The following TUBGCP6 variants were observed in gnomAD, a reference collection of about 807,000 sequenced individuals.
TUBGCP6 encodes gamma-tubulin complex component 6.
A neutral mutation model predicts 175.8 loss-of-function variants in TUBGCP6; 161 were observed. That is an observed-to-expected ratio of 0.92 (90% CI 0.81 to 1.04). The LOEUF is 1.04. Among genes scored for constraint, TUBGCP6 ranks in the 50% least tolerant of loss-of-function variants. The pLI, the probability that TUBGCP6 is intolerant of heterozygous loss-of-function variation, is 0.00. For synonymous variants in TUBGCP6, 1,173 were observed against 1,030.5 expected (o/e 1.14, Z -2.65); for missense variants, 2,572 against 2,433.0 (o/e 1.06, Z -1.20).
At position 50,232,085 on chromosome 22, in the gene TUBGCP6, C is replaced by T. The variant is rs150958437; in HGVS notation, c.1116+1231G>A. The stretch of plus-strand genomic sequence containing the variant: ...GCATTTTAAAAATTAGCTGGGTGGG[C>T]CGGGCGTGGTGGCTCATGCCTGTAA... On this transcript the variant is annotated intron_variant, in intron 3 of 24. Coordinates refer to ENST00000248846, the MANE Select transcript of TUBGCP6 (RefSeq NM_020461.4). 6.6e-3 allele frequency among the ~76,000 whole-genome samples: 1,001 copies of T among 151,682 alleles called. 6 individuals are homozygous for T. Among genetic ancestry groups the T allele is most frequent in the Non-Finnish European group, 9.7e-3 (658 of 67,882 alleles).
chr22:50,226,267 C>T lies in TUBGCP6; in HGVS notation c.1693+20G>A, dbSNP rs983771157. 39 of 1,613,868 alleles carry T rather than the reference C, an allele frequency of 2.4e-5. No homozygotes were observed. The highest frequency in any genetic ancestry group is 3.0e-5 in the Non-Finnish European group (35 of 1,179,992). On this transcript the variant is annotated intron_variant, in intron 8 of 24. Coordinates refer to ENST00000248846, the MANE Select transcript of TUBGCP6 (RefSeq NM_020461.4). ...GGCCCACAGGCACGGACCCCTGCCC[C>T]GCAATCAGCTGCCACCTACCTCGGA...
chr22:50,218,425 G>A lies in TUBGCP6; in HGVS notation c.4955-23C>T, dbSNP rs776281152. The stretch of plus-strand genomic sequence containing the variant: ...GGGCTGGCGGAGGGCAGAAGGCAGA[G>A]GGCAGAGGTGAGCGCAGCCTCCAGC... On this transcript the variant is annotated intron_variant, in intron 22 of 24. Coordinates refer to ENST00000248846, the MANE Select transcript of TUBGCP6 (RefSeq NM_020461.4). The A allele has an allele frequency of 5.7e-5, 92 of 1,612,486 alleles. 1 individual carries two copies. In the Middle Eastern group the frequency reaches 9.9e-4, roughly 17 times the overall value.
At position 50,244,966 on chromosome 22, in the gene TUBGCP6, G is replaced by A. The variant is rs45480691; in HGVS notation, c.-507C>T. 5,294 of 226,428 alleles carry A rather than the reference G, an allele frequency of 0.023. 132 individuals carry two copies. The highest frequency in any genetic ancestry group is 0.12 in the East Asian group (937 of 7,624). The allele number at this position is 226,428 out of a possible 1,614,324, so 14.0% of individuals were successfully genotyped here. A position where few individuals can be genotyped will look rare whatever the true frequency, so the allele number is the denominator to read the frequency against. On this transcript the variant is annotated 5_prime_UTR_variant, in exon 1 of 25. Transcript: ENST00000248846. ...ACCCGTTCTCCAGGCCTCACCCGTGGAAAGTGCCCACGGCTGCCGCTCTCG... is the reference window on the plus strand; with the variant it reads ...ACCCGTTCTCCAGGCCTCACCCGTGAAAAGTGCCCACGGCTGCCGCTCTCG...
intron 7 of TUBGCP6, 136 bp downstream of exon 7, chr22:50,226,597 C>T: frequency 1.2e-6 from 1 of 837,224 alleles, no homozygotes; most frequent in Non-Finnish European, 1.9e-6. Flanking sequence ...GTTGGGGGCT[C>T]CTGCCCAGTC....
rs1602500598 is a variant in TUBGCP6, at chr22:50,217,795, G to C, written c.5401C>G (p.Pro1801Ala). 1 of 1,613,876 alleles carries C rather than the reference G, an allele frequency of 6.2e-7. No individual in the cohort carries two copies. Among genetic ancestry groups the C allele is most frequent in the Non-Finnish European group, 8.5e-7 (1 of 1,180,014 alleles). ...CGCAGCAGAAAGTCCTCCAGGTGGG[G>C]CTGGTAGCCGCGGTTCACCAGCTTG... ...VTKLVNRGYQ[P>A]HLEDFLLRIN... Residue 1801 changes from proline to alanine, a missense_variant, in exon 25 of 25, where the codon CCC becomes GCC. Pro to Ala is a conservative substitution (Grantham distance 27). Transcript: ENST00000248846.
chr22:50,221,735 C>G lies in TUBGCP6; in HGVS notation c.2624G>C (p.Gly875Ala), dbSNP rs766774651. ...CTGCTGCAGCCCCCTGCCACCAGCC[C>G]CCACTGCTAGAGGCTTAAGGGGCTG... Reference protein sequence around the residue: ...TPQPLKPLAVGAGGRGLQQAE... With the variant: ...TPQPLKPLAVAAGGRGLQQAE... Residue 875 changes from glycine to alanine, a missense_variant, in exon 16 of 25, where the codon GGG (glycine) becomes GCG (alanine). By Grantham distance (60) the Gly-to-Ala change is moderately conservative. Coordinates refer to ENST00000248846, the MANE Select transcript of TUBGCP6 (RefSeq NM_020461.4). 1 of 1,516,388 alleles carries G rather than the reference C, an allele frequency of 6.6e-7. No individual in the cohort carries two copies. The highest frequency in any genetic ancestry group is 1.3e-5 in the South Asian group (1 of 74,902). The allele number at this position is 1,516,388 out of a possible 1,614,324, so 93.9% of individuals were successfully genotyped here.
chr22:50,241,285 G>A (rs945235681), intron 1 of TUBGCP6, among the ~76,000 whole-genome samples: 2 of 152,180 alleles, frequency 1.3e-5, no homozygotes, highest in African/African-American at 2.4e-5. Flanking sequence ...GCCACTAGAG[G>A]GCTCCTTAGT....
intron 17 of TUBGCP6, 59 bp from the exon 18 acceptor site, chr22:50,219,850 T>C: frequency 2.5e-6 from 4 of 1,603,588 alleles, no homozygotes; most frequent in Non-Finnish European, 3.4e-6. Context: ...CACAACCAGC[T>C]TGTGCCAAAA....
Position 50,221,432 on chromosome 22 carries a change from C to T in TUBGCP6, c.2927G>A (p.Ser976Asn). ...APGPLQAAEC[S>N]LGSSGLQLWE... is the part of the protein sequence containing the mutation. ...CAGCTGTAGCCCTGAGCTGCCCAAG[C>T]TGCACTCTGCAGCCTGCAGGGGCCC... is the stretch of plus-strand genomic sequence containing the variant. The change falls in exon 16 of 25, where the codon AGC becomes AAC. Residue 976 changes from serine (S) to asparagine (N), a missense_variant. Coordinates refer to ENST00000248846, the MANE Select transcript of TUBGCP6 (RefSeq NM_020461.4). 1.3e-6 allele frequency: 2 copies of T among 1,599,714 alleles called. No homozygotes were observed. The highest frequency in any genetic ancestry group is 4.5e-5 in the East Asian group (2 of 44,396).
chr22:50,222,313 G>A (rs577911007), intron 14 of TUBGCP6, 141 bp downstream of exon 14: 71 of 1,352,430 alleles, frequency 5.2e-5, no homozygotes, highest in South Asian at 1.5e-4. Context: ...GGTGGCACAC[G>A]GGGAGAGAGA....
In TUBGCP6 at chr22:50,220,804, C is replaced by G. The variant is rs1429923697; in HGVS notation, c.3555G>C (p.Trp1185Cys). The part of the protein sequence containing the change: ...VSDMAPARPR[W>C]NTHGHVSDAS... ...CATCAGACACGTGTCCATGGGTGTT[C>G]CACCGTGGCCGGGCGGGAGCCATGT... Residue 1185 changes from tryptophan (W) to cysteine (C), a missense_variant, in exon 16 of 25, where the codon TGG (tryptophan) becomes TGC (cysteine). Transcript: ENST00000248846. 6.2e-7 allele frequency: 1 copy of G among 1,601,252 alleles called. No individual in the cohort carries two copies. The highest frequency in any genetic ancestry group is 8.5e-7 in the Non-Finnish European group (1 of 1,175,696).
intron 2 of TUBGCP6, among the ~76,000 whole-genome samples, chr22:50,235,458 A>C (rs2064765397): frequency 6.6e-6 from 1 of 152,248 alleles, no homozygotes; most frequent in Non-Finnish European, 1.5e-5. Flanking sequence ...CTTAAAAAGG[A>C]AGGCAGCTCA....
At position 50,233,527 on chromosome 22, in the gene TUBGCP6, C is replaced by A. The variant is rs762988506; in HGVS notation, c.906-1G>T. 1.7e-5 allele frequency: 27 copies of A among 1,600,628 alleles called. No individual in the cohort carries two copies. Among genetic ancestry groups the A allele is most frequent in the Non-Finnish European group, 2.2e-5 (26 of 1,174,044 alleles). Reference sequence around the variant, plus strand: ...AGGCTCCTCTCTGTGGCCAGGGGGGCTGCGAGGGGTGCAGAAGAGAGGCCA... The same window carrying A: ...AGGCTCCTCTCTGTGGCCAGGGGGGATGCGAGGGGTGCAGAAGAGAGGCCA... On this transcript the variant is annotated splice_acceptor_variant, in intron 2 of 24. Coordinates refer to ENST00000248846, the MANE Select transcript of TUBGCP6 (RefSeq NM_020461.4). LOFTEE classifies it high-confidence loss of function.
chr22:50,227,245 G>A (rs2064625664), intron 5 of TUBGCP6, among the ~76,000 whole-genome samples, 168 bp from the exon 6 acceptor site: 1 of 151,932 alleles, frequency 6.6e-6, no homozygotes, highest in Non-Finnish European at 1.5e-5. Flanking sequence ...CGGGCTCCCT[G>A]CAGGACTCGT....
intron 3 of TUBGCP6, among the ~76,000 whole-genome samples, chr22:50,232,228 T>C (rs538265140): frequency 6.6e-6 from 1 of 151,442 alleles, no homozygotes; most frequent in South Asian, 2.1e-4. Flanking sequence ...TAGCCAGCCG[T>C]AGTGACATGC....
rs1429084547 is a variant in TUBGCP6 at position 50,226,073 on chromosome 22, G to A, written c.1810C>T (p.Leu604=). The change falls in exon 9 of 25, where the codon CTG becomes TTG. Residue 604 remains leucine, a synonymous_variant. Transcript: ENST00000248846. ...DIYVCGKTIN[L]LKLCCPRHYL... is the part of the protein sequence containing the mutation. ...ACCCGGGGGCAGCAGAGCTTCAGCA[G>A]GTTAATGGTCTTTCCGCAGACGTAT... 5 of 1,614,086 alleles carry A rather than the reference G, an allele frequency of 3.1e-6. No homozygotes were observed. Among genetic ancestry groups the A allele is most frequent in the Middle Eastern group, 1.6e-4 (1 of 6,084 alleles).
In TUBGCP6 at chr22:50,244,076, T is replaced by A. The variant is rs2064885091; in HGVS notation, c.384A>T (p.Arg128Ser). ...TGTTGTTAAGGAAGTAGTCTCGTTT[T>A]CTCGGCAGAACTTGAGGGGGACCAC... is the stretch of plus-strand genomic sequence containing the variant. ...AGSGPPQVLP[R>S]KRDYFLNNKH... The change falls in exon 1 of 25, where the codon AGA (arginine) becomes AGT (serine). Residue 128 changes from arginine (R) to serine (S), a missense_variant. By Grantham distance (110) the Arg-to-Ser change is moderately radical. Coordinates refer to ENST00000248846, the MANE Select transcript of TUBGCP6 (RefSeq NM_020461.4). 6.2e-7 allele frequency: 1 copy of A among 1,613,966 alleles called. No homozygotes were observed. The highest frequency in any genetic ancestry group is 2.2e-5 in the East Asian group (1 of 44,878).
chr22:50,222,805 G>A (rs554171897), intron 13 of TUBGCP6, among the ~76,000 whole-genome samples: 7 of 152,334 alleles, frequency 4.6e-5, no homozygotes, highest in South Asian at 2.1e-4. Context: ...GGAGACCCTG[G>A]TGAGTCAGCG....
intron 2 of TUBGCP6, 95 bp downstream of exon 2, chr22:50,240,109 C>T (rs1356685177): frequency 6.5e-7 from 1 of 1,539,378 alleles, no homozygotes; most frequent in East Asian, 2.4e-5. Flanking sequence ...ACTGCCTGGA[C>T]CCCTGAGTAC....
Sources: allele counts gnomAD v4.1 joint callset (sites outside exome capture counted in the v4.1 genomes callset), GRCh38; gene constraint gnomAD v4.1.1; transcripts MANE v1.5; gene names NCBI Gene and HGNC (gene_info 2026-07-23, HGNC 2026-07-21).